The following SCAND3 variants were observed in gnomAD, a reference collection of about 807,000 sequenced individuals.
The protein encoded by SCAND3 is SCAN domain-containing protein 3.
At chr6:28,601,196 C>T in the SCAND3 span, among the ~76,000 whole-genome samples, 62 of 152,266 alleles carry the variant, frequency 4.1e-4, 1 homozygote, top group Middle Eastern at 3.4e-3. Context: ...TGAGCCACGG[C>T]GCCCGGCCAC....
At chr6:28,588,723 T>C in the SCAND3 span, among the ~76,000 whole-genome samples, 5 of 152,236 alleles carry the variant, frequency 3.3e-5, no homozygotes, top group Non-Finnish European at 5.9e-5. The surrounding 1 kb of genome is among the most constrained non-coding windows in gnomAD (Gnocchi z 4.1). Flanking sequence ...TGGGCTTTTT[T>C]GGTTTGTTTT....
the SCAND3 span, among the ~76,000 whole-genome samples, chr6:28,593,850 A>AT: frequency 6.6e-6 from 1 of 151,980 alleles, no homozygotes; most frequent in African/African-American, 2.4e-5. Flanking sequence ...GACCGCAGGC[A>AT]TGCGCCACCA....
At chr6:28,600,722 C>T in the SCAND3 span, among the ~76,000 whole-genome samples, 20 of 152,092 alleles carry the variant, frequency 1.3e-4, no homozygotes, top group Non-Finnish European at 2.8e-4. Context: ...TCGAACAACT[C>T]ACCCATAAAA....
At chr6:28,589,520 C>A in the SCAND3 span, 1 of 152,086 alleles carries the variant, frequency 6.6e-6, no homozygotes, top group Non-Finnish European at 1.5e-5. Context: ...CCTCCGCTTC[C>A]CATCGAATTC....
At chr6:28,607,144 C>T in the SCAND3 span, among the ~76,000 whole-genome samples, 256 of 152,260 alleles carry the variant, frequency 1.7e-3, 1 homozygote, top group East Asian at 8.7e-3. Context: ...GCAAAGCAAC[C>T]TGTCTGTGGT....
the SCAND3 span, among the ~76,000 whole-genome samples, chr6:28,607,855 G>A: frequency 6.6e-6 from 1 of 152,128 alleles, no homozygotes; most frequent in Non-Finnish European, 1.5e-5. Flanking sequence ...GAGAGACCAG[G>A]CATCCAAATA....
the SCAND3 span, among the ~76,000 whole-genome samples, chr6:28,612,037 TTTG>T: frequency 6.6e-6 from 1 of 151,738 alleles, no homozygotes. Context: ...TTCTTGTTTT[TTTG>T]TTGTTTTTTT....
chr6:28,586,653 A>G, the SCAND3 span: 1 of 1,613,948 alleles, frequency 6.2e-7, no homozygotes, highest in Non-Finnish European at 8.5e-7. This position sits in a 1 kb window ranked among gnomAD's most constrained non-coding sequence, Gnocchi z 4.4. Context: ...TACTTTGATA[A>G]TCTCCCCTTG....
At chr6:28,575,989 T>C in the SCAND3 span, 4 of 1,613,784 alleles carry the variant, frequency 2.5e-6, no homozygotes, top group Non-Finnish European at 3.4e-6. This position sits in a 1 kb window ranked among gnomAD's most constrained non-coding sequence, Gnocchi z 4.2. Flanking sequence ...CTTAGTATTA[T>C]TACTTTTGTT....
At chr6:28,579,313 A>C in the SCAND3 span, 1 of 1,614,074 alleles carries the variant, frequency 6.2e-7, no homozygotes. This position sits in a 1 kb window ranked among gnomAD's most constrained non-coding sequence, Gnocchi z 4.5. Flanking sequence ...TTCACATTCC[A>C]TTCTATCTTC....
At chr6:28,609,649 G>A in the SCAND3 span, among the ~76,000 whole-genome samples, 11 of 152,148 alleles carry the variant, frequency 7.2e-5, no homozygotes, top group African/African-American at 2.7e-4. Context: ...CTCTAGAATG[G>A]TTGGATTAGG....
At chr6:28,607,142 A>C in the SCAND3 span, among the ~76,000 whole-genome samples, 2 of 152,252 alleles carry the variant, frequency 1.3e-5, no homozygotes, top group African/African-American at 4.8e-5. Flanking sequence ...ATGCAAAGCA[A>C]CCTGTCTGTG....
At chr6:28,593,523 A>G in the SCAND3 span, 1 of 152,114 alleles carries the variant, frequency 6.6e-6, no homozygotes. Flanking sequence ...AAAAATACAA[A>G]AATTAGCCGG....
the SCAND3 span, among the ~76,000 whole-genome samples, chr6:28,612,274 G>A: frequency 6.6e-6 from 1 of 151,980 alleles, no homozygotes; most frequent in Non-Finnish European, 1.5e-5. Context: ...TCCTGAGCTC[G>A]TGATCTGCCT....
chr6:28,603,801 T>C, the SCAND3 span, among the ~76,000 whole-genome samples: 6 of 152,174 alleles, frequency 3.9e-5, no homozygotes, highest in African/African-American at 1.4e-4. Flanking sequence ...TCAGCTGAAA[T>C]GTATCATCTC....
At chr6:28,600,277 A>G in the SCAND3 span, among the ~76,000 whole-genome samples, 1 of 152,230 alleles carries the variant, frequency 6.6e-6, no homozygotes, top group Non-Finnish European at 1.5e-5. Context: ...ACTTCACTAA[A>G]GAAGGTGGCG....
At chr6:28,586,520 G>A in the SCAND3 span, 12 of 1,614,104 alleles carry the variant, frequency 7.4e-6, no homozygotes, top group South Asian at 1.3e-4. This position sits in a 1 kb window ranked among gnomAD's most constrained non-coding sequence, Gnocchi z 4.4. Flanking sequence ...GAGCCTCCCT[G>A]GGCCCAGGTG....
chr6:28,571,763 T>A, the SCAND3 span: 1 of 864,476 alleles, frequency 1.2e-6, no homozygotes, highest in South Asian at 2.3e-5. Context: ...AGGCAATTTA[T>A]ATAGAAAATT....
chr6:28,605,780 A>T, the SCAND3 span, among the ~76,000 whole-genome samples: 1 of 152,010 alleles, frequency 6.6e-6, no homozygotes, highest in Admixed American at 6.6e-5. Context: ...CGGGAGGCGG[A>T]GGTTGCAGTG....
Sources: gnomAD v4.1 joint callset for allele counts (sites outside exome capture counted in the v4.1 genomes callset) on GRCh38, gnomAD v4.1.1 for gene constraint, Gnocchi (gnomAD v3.1) non-coding constraint, MANE v1.5 for transcripts, NCBI Gene and HGNC (gene_info 2026-07-23, HGNC 2026-07-21) for gene names.